Variants in IMMP2L observed in about 807,000 individuals in gnomAD.
The protein encoded by IMMP2L is inner mitochondrial membrane peptidase subunit 2, also known as mitochondrial inner membrane protease subunit 2.
A neutral mutation model predicts 19.3 loss-of-function variants in IMMP2L; 18 were observed. That is an observed-to-expected ratio of 0.93 (90% confidence interval 0.64 to 1.38). The LOEUF (loss-of-function observed/expected upper bound fraction) is 1.38, where lower values mean the gene tolerates loss of function less well. Ranked by LOEUF, IMMP2L falls within the 40% of genes most tolerant of loss-of-function variation. IMMP2L has a pLI of 0.00. For synonymous variants in IMMP2L, 76 were observed against 73.0 expected, an observed-to-expected ratio of 1.04 and a Z score of -0.21; for missense variants, 233 against 218.2, an observed-to-expected ratio of 1.07 and a Z score of -0.43.
At chr7:111,284,845 T>G (rs1342086064) in intron 3 of IMMP2L, among the ~76,000 whole-genome samples, 1 of 151,994 alleles carries the variant, frequency 6.6e-6, no homozygotes, top group East Asian at 1.9e-4. Flanking sequence ...AAGTTGCAAA[T>G]ACAGGAAAAC....
At chr7:111,433,467 AC>A (rs201883900) in intron 3 of IMMP2L, among the ~76,000 whole-genome samples, 2,070 of 151,832 alleles carry the variant, frequency 0.014, 26 homozygotes, top group South Asian at 0.04. Context: ...GAAAGCAGAA[AC>A]CCCTTATCAA....
At chr7:111,538,708 G>C (rs552541277) in intron 1 of IMMP2L, among the ~76,000 whole-genome samples, 2 of 150,852 alleles carry the variant, frequency 1.3e-5, no homozygotes, top group Non-Finnish European at 3.0e-5. Flanking sequence ...TACTCAGGAG[G>C]CTGAGGTGGG....
At chr7:111,224,256 C>A (rs903261146) in intron 3 of IMMP2L, among the ~76,000 whole-genome samples, 2 of 151,970 alleles carry the variant, frequency 1.3e-5, no homozygotes, top group Admixed American at 6.6e-5. Flanking sequence ...TTATTCTGAC[C>A]CTTTCAGAAC....
chr7:111,411,548 AC>A, intron 3 of IMMP2L: 2 of 363,128 alleles, frequency 5.5e-6, no homozygotes, highest in Non-Finnish European at 1.1e-5. Context: ...TATCTACAAG[AC>A]CCCAGCAGGC....
intron 3 of IMMP2L, among the ~76,000 whole-genome samples, chr7:111,020,112 G>A (rs1425507702): frequency 6.6e-6 from 1 of 150,428 alleles, no homozygotes; most frequent in African/African-American, 2.4e-5. Flanking sequence ...GGCCTAGCAC[G>A]GTGGCTCACA....
Position 110,932,353 on chromosome 7 carries a change from G to GT in IMMP2L, c.305+31146dup, listed in dbSNP as rs998999719. Among the ~76,000 whole-genome samples the GT allele has an allele frequency of 1.3e-3, 198 of 149,670 alleles. 1 individual carries two copies. The highest frequency in any genetic ancestry group is 3.7e-3 in the African/African-American group (152 of 40,958). On this transcript the variant is annotated intron_variant, in intron 4 of 5. Transcript: ENST00000405709. ...CTAGTGTGTATTTATTGAGAATGCA[G>GT]TTTTTTTTTTCTTTTTTTGAGATGG...
In IMMP2L at chr7:111,011,203, CAT is replaced by C. The variant is rs530810627; in HGVS notation, c.240-47640_240-47639del. On this transcript the variant is annotated intron_variant, in intron 3 of 5. Transcript: ENST00000405709. ...AGTTGCCAGTGGAAAGAGAGAAAATCATGTGCTAGATTAATCATGTTGAATTA... is the reference window on the plus strand; with the variant it reads ...AGTTGCCAGTGGAAAGAGAGAAAATCGTGCTAGATTAATCATGTTGAATTA... Among the ~76,000 whole-genome samples, 11 of 152,162 alleles carry C rather than the reference CAT, an allele frequency of 7.2e-5. No individual in the cohort carries two copies. The South Asian group carries it at 2.3e-3, about 32-fold the overall frequency.
At chr7:110,994,744 A>C (rs1411237433) in intron 3 of IMMP2L, among the ~76,000 whole-genome samples, 1 of 152,152 alleles carries the variant, frequency 6.6e-6, no homozygotes, top group Non-Finnish European at 1.5e-5. Context: ...TAACCAATGC[A>C]ACCATCTAAA....
At chr7:111,263,901 T>A (rs575202033) in intron 3 of IMMP2L, among the ~76,000 whole-genome samples, 3 of 152,268 alleles carry the variant, frequency 2.0e-5, no homozygotes, top group Non-Finnish European at 2.9e-5. Flanking sequence ...GGATTAAAAT[T>A]TGTCCATTGG....
chr7:111,067,347 G>C (rs1794599336), intron 3 of IMMP2L, among the ~76,000 whole-genome samples: 1 of 152,188 alleles, frequency 6.6e-6, no homozygotes. Flanking sequence ...GACCTGGGAA[G>C]CTGACCTATA....
At chr7:110,682,914 T>C (rs1411942066) in intron 5 of IMMP2L, among the ~76,000 whole-genome samples, 1 of 152,096 alleles carries the variant, frequency 6.6e-6, no homozygotes, top group Non-Finnish European at 1.5e-5. Context: ...CTACTGACTA[T>C]ATGCAAGAAT....
intron 3 of IMMP2L, among the ~76,000 whole-genome samples, chr7:111,112,043 G>T (rs1165163147): frequency 6.7e-6 from 1 of 148,224 alleles, no homozygotes; most frequent in African/African-American, 2.5e-5. Context: ...TGCCTCCTGG[G>T]TTCCGGTGAT....
At chr7:110,935,621 C>T (rs1816015981) in intron 4 of IMMP2L, among the ~76,000 whole-genome samples, 1 of 152,128 alleles carries the variant, frequency 6.6e-6, no homozygotes, top group Admixed American at 6.6e-5. Context: ...CTCCCCACCA[C>T]TTTCAGGTAC....
intron 3 of IMMP2L, among the ~76,000 whole-genome samples, chr7:111,203,301 CAA>C (rs1810347516): frequency 6.6e-6 from 1 of 151,094 alleles, no homozygotes; most frequent in African/African-American, 2.4e-5. Flanking sequence ...CAGCAAAAAA[CAA>C]AACAGATACC....
intron 4 of IMMP2L, among the ~76,000 whole-genome samples, chr7:110,905,074 T>C (rs1812309919): frequency 6.6e-6 from 1 of 152,218 alleles, no homozygotes; most frequent in African/African-American, 2.4e-5. Flanking sequence ...TTTCACTTAG[T>C]TATGTGTTCA....
chr7:110,872,658 A>T (rs1352624714), intron 5 of IMMP2L, among the ~76,000 whole-genome samples: 1 of 151,948 alleles, frequency 6.6e-6, no homozygotes, highest in Non-Finnish European at 1.5e-5. Context: ...ACAATGATTG[A>T]CTCTTCCAGG....
rs182451778 is a variant in IMMP2L at position 110,874,536 on chromosome 7, A to C, written c.408+12057T>G. Among the ~76,000 whole-genome samples the C allele has an allele frequency of 1.1e-3, 168 of 152,204 alleles. 2 individuals are homozygous for C. The highest frequency in any genetic ancestry group is 1.3e-4 in the Non-Finnish European group (9 of 67,992). On this transcript the variant is annotated intron_variant, in intron 5 of 5. Coordinates refer to ENST00000405709, the MANE Select transcript of IMMP2L (RefSeq NM_032549.4). ...ATAATATTATTATACCAAACATATA[A>C]TAGTAGGAAGATTTTCTTGCAATAA...
intron 5 of IMMP2L, among the ~76,000 whole-genome samples, chr7:110,734,992 G>T (rs1179424759): frequency 6.6e-6 from 1 of 152,226 alleles, no homozygotes; most frequent in Non-Finnish European, 1.5e-5. Context: ...TTGACAGGGA[G>T]AGGGCATGTT....
At position 110,663,501 on chromosome 7, in the gene IMMP2L, C is replaced by G. The variant is rs528023605; in HGVS notation, c.*101G>C. 1 of 924,182 alleles carries G rather than the reference C, an allele frequency of 1.1e-6. No homozygotes were observed. The highest frequency in any genetic ancestry group is 1.4e-5 in the South Asian group (1 of 72,024). The allele number at this position is 924,182 out of a possible 1,614,324, so 57.2% of individuals were successfully genotyped here. A position where few individuals can be genotyped will look rare whatever the true frequency, so the allele number is the denominator to read the frequency against. ...TGTGCTGTAAATATTTCTCGCACAG[C>G]ATCATATTGTCAGAAGTTTTTCCCT... On this transcript the variant is annotated 3_prime_UTR_variant, in exon 6 of 6. Coordinates refer to ENST00000405709, the MANE Select transcript of IMMP2L (RefSeq NM_032549.4).
Sources: gnomAD v4.1 joint callset for allele counts (sites outside exome capture counted in the v4.1 genomes callset) on GRCh38, gnomAD v4.1.1 for gene constraint, MANE v1.5 for transcripts, NCBI Gene and HGNC (gene_info 2026-07-23, HGNC 2026-07-21) for gene names.